The following RBFOX3 variants were observed in gnomAD, a reference collection of about 807,000 sequenced individuals.
The protein encoded by RBFOX3 is RNA binding fox-1 homolog 3.
A neutral mutation model predicts 48.7 loss-of-function variants in RBFOX3; 17 were observed. The observed-to-expected ratio is 0.35, with a 90% CI of 0.24 to 0.52. RBFOX3 has a LOEUF of 0.52. RBFOX3 is among the 20% of genes least tolerant of loss of function. The probability of loss-of-function intolerance (pLI) is 0.94; values close to 1 mark genes in which losing one functional copy is unlikely to be tolerated. For missense variants in RBFOX3, 382 were observed against 497.5 expected, an observed-to-expected ratio of 0.77 and a Z score of 2.21; for synonymous variants, 212 against 209.5, an observed-to-expected ratio of 1.01 and a Z score of -0.10.
chr17:79,567,699 T>C (rs1014852243), intron 1 of RBFOX3, among the ~76,000 whole-genome samples: 90 of 152,342 alleles, frequency 5.9e-4, no homozygotes, highest in Middle Eastern at 3.4e-3. Flanking sequence ...TGACTCCTTG[T>C]CCGTACCTCT....
intron 4 of RBFOX3, among the ~76,000 whole-genome samples, chr17:79,191,235 G>C (rs1215761642): frequency 6.6e-6 from 1 of 152,206 alleles, no homozygotes; most frequent in African/African-American, 2.4e-5. Flanking sequence ...GAGGCCACAT[G>C]GAGAGCACGT....
chr17:79,316,123 A>T (rs2077506709), intron 2 of RBFOX3, among the ~76,000 whole-genome samples: 1 of 152,000 alleles, frequency 6.6e-6, no homozygotes, highest in African/African-American at 2.4e-5. Flanking sequence ...GCCAAGTAAA[A>T]ATTGGAGAGG....
the RBFOX3 span, among the ~76,000 whole-genome samples, chr17:79,653,370 G>A: frequency 2.0e-5 from 3 of 152,284 alleles, no homozygotes; most frequent in Middle Eastern, 3.4e-3. Flanking sequence ...AAGGTTGTAT[G>A]AAAAGGCATG....
rs115911802 is a variant in RBFOX3 at position 79,121,299 on chromosome 17, T to C, written c.-33-5551A>G. Reference sequence around the variant, plus strand: ...GCCCCTTGCACTCCACAGCCATCAATGTTTTCCTCCTGCCAGCACCCTGAC... The same window carrying C: ...GCCCCTTGCACTCCACAGCCATCAACGTTTTCCTCCTGCCAGCACCCTGAC... On this transcript the variant is annotated intron_variant, in intron 4 of 14. Transcript: ENST00000693108. Among the ~76,000 whole-genome samples the C allele has an allele frequency of 8.5e-4, 129 of 152,306 alleles. 1 individual carries two copies. Among genetic ancestry groups the C allele is most frequent in the African/African-American group, 3.0e-3 (125 of 41,572 alleles).
intron 3 of RBFOX3, among the ~76,000 whole-genome samples, chr17:79,273,420 T>C (rs1244926216): frequency 1.3e-5 from 2 of 152,054 alleles, no homozygotes; most frequent in African/African-American, 4.8e-5. Flanking sequence ...GAGAGTGTTT[T>C]AGGGTGGGGT....
intron 1 of RBFOX3, among the ~76,000 whole-genome samples, chr17:79,543,342 C>T (rs2089977267): frequency 6.6e-6 from 1 of 152,114 alleles, no homozygotes; most frequent in Admixed American, 6.5e-5. Flanking sequence ...CCCTGATAAA[C>T]GGAGGCTCAG....
intron 1 of RBFOX3, among the ~76,000 whole-genome samples, chr17:79,504,247 G>A (rs1228563834): frequency 6.6e-6 from 1 of 152,244 alleles, no homozygotes; most frequent in Non-Finnish European, 1.5e-5. Flanking sequence ...CCGTAACAAA[G>A]CCGTTGGCAG....
intron 1 of RBFOX3, among the ~76,000 whole-genome samples, chr17:79,546,727 T>C (rs1447503069): frequency 6.7e-6 from 1 of 149,614 alleles, no homozygotes; most frequent in African/African-American, 2.5e-5. Context: ...TGGAGTGCAG[T>C]GGTGCTATCT....
the RBFOX3 span, among the ~76,000 whole-genome samples, chr17:79,664,127 C>T: frequency 2.0e-5 from 3 of 152,068 alleles, no homozygotes; most frequent in Admixed American, 6.5e-5. Context: ...GTTGGGAATA[C>T]TCTGCTTTTT....
intron 2 of RBFOX3, among the ~76,000 whole-genome samples, chr17:79,446,898 A>G (rs1187298681): frequency 6.6e-5 from 10 of 152,030 alleles, no homozygotes; most frequent in African/African-American, 2.4e-4. Flanking sequence ...TTCTCCTACC[A>G]TTGGCTTGCT....
At chr17:79,525,489 C>T (rs2086674826) in intron 1 of RBFOX3, among the ~76,000 whole-genome samples, 1 of 152,154 alleles carries the variant, frequency 6.6e-6, no homozygotes, top group Non-Finnish European at 1.5e-5. Context: ...GAAATGCTTC[C>T]CAGTCTTCCC....
At chr17:79,399,275 C>T (rs1442532769) in intron 2 of RBFOX3, among the ~76,000 whole-genome samples, 1 of 152,152 alleles carries the variant, frequency 6.6e-6, no homozygotes, top group Non-Finnish European at 1.5e-5. Context: ...AAATGCGTAC[C>T]GTGGGTGAGG....
At chr17:79,109,113 G>A (rs367946099) in intron 5 of RBFOX3, among the ~76,000 whole-genome samples, 2 of 152,222 alleles carry the variant, frequency 1.3e-5, no homozygotes, top group South Asian at 2.1e-4. Flanking sequence ...GTGTTCCCAA[G>A]GTGTGAGGCT....
chr17:79,311,682 G>T lies in RBFOX3; in HGVS notation c.-174-3858C>A, dbSNP rs138222400. On this transcript the variant is annotated intron_variant, in intron 2 of 14. Coordinates refer to ENST00000693108, the MANE Select transcript of RBFOX3 (RefSeq NM_001350451.2). This position sits in a 1 kb window ranked among gnomAD's most constrained non-coding sequence, Gnocchi z 4.2. ...TCAGGCCCTCTGGGGTCTCTCGCAG[G>T]TTGGGCTCCTGGAGCTGACTCTGTC... is the stretch of plus-strand genomic sequence containing the variant. Among the ~76,000 whole-genome samples the T allele has an allele frequency of 7.3e-3, 1,104 of 152,240 alleles. 7 individuals are homozygous for T. Among genetic ancestry groups the T allele is most frequent in the South Asian group, 0.028 (136 of 4,814 alleles).
the RBFOX3 span, among the ~76,000 whole-genome samples, chr17:79,655,052 G>A: frequency 3.3e-5 from 5 of 152,314 alleles, no homozygotes; most frequent in Middle Eastern, 0.01. Flanking sequence ...TCCCGACGAG[G>A]CTGTTGGAAG....
intron 2 of RBFOX3, among the ~76,000 whole-genome samples, chr17:79,374,248 T>C (rs1598425628): frequency 6.6e-6 from 1 of 151,450 alleles, no homozygotes; most frequent in African/African-American, 2.4e-5. Context: ...ACGAGGAGAG[T>C]GGGCGTGAGA....
chr17:79,530,475 G>A (rs1159106320), intron 1 of RBFOX3, among the ~76,000 whole-genome samples: 2 of 152,118 alleles, frequency 1.3e-5, no homozygotes, highest in Non-Finnish European at 2.9e-5. Flanking sequence ...TGGGCTCAGC[G>A]ACAGCTCACC....
intron 2 of RBFOX3, among the ~76,000 whole-genome samples, chr17:79,384,885 G>T (rs1478236537): frequency 6.6e-6 from 1 of 152,258 alleles, no homozygotes; most frequent in Non-Finnish European, 1.5e-5. Flanking sequence ...ATGTTTCAGT[G>T]GGGAGGGAGA....
chr17:79,523,785 G>A lies in RBFOX3; in HGVS notation c.-319-41187C>T, dbSNP rs2086441179. ...AACACAAGGTGATAAAACGCAAAAC[G>A]AATAAAAGGCGAACCTTGTAAACTA... On this transcript the variant is annotated intron_variant, in intron 1 of 14. Transcript: ENST00000693108. Among the ~76,000 whole-genome samples the A allele has an allele frequency of 4.6e-5, 7 of 152,184 alleles. No homozygotes were observed. In the South Asian group the frequency reaches 8.3e-4, roughly 18 times the overall value.
Sources: gnomAD v4.1 joint callset for allele counts (sites outside exome capture counted in the v4.1 genomes callset) on GRCh38, gnomAD v4.1.1 for gene constraint, Gnocchi (gnomAD v3.1) non-coding constraint, MANE v1.5 for transcripts, NCBI Gene and HGNC (gene_info 2026-07-23, HGNC 2026-07-21) for gene names.